AUH: variants seen among roughly 807,000 people sequenced by gnomAD.
AUH encodes AU RNA binding methylglutaconyl-CoA hydratase, also known as methylglutaconyl-CoA hydratase, mitochondrial.
A neutral mutation model predicts 42.3 loss-of-function variants in AUH; 29 were observed. That is an observed-to-expected ratio of 0.69 (90% CI 0.51 to 0.93). The LOEUF (loss-of-function observed/expected upper bound fraction) is 0.93. AUH is among the 40% of genes least tolerant of loss of function. The pLI is 0.00. For synonymous variants in AUH, 174 were observed against 166.4 expected (o/e 1.05, Z -0.35); for missense variants, 452 against 438.1 (o/e 1.03, Z -0.28).
chr9:91,337,684 C>A (rs1026222439), intron 3 of AUH, among the ~76,000 whole-genome samples: 8 of 152,132 alleles, frequency 5.3e-5, no homozygotes, highest in Admixed American at 2.6e-4. Flanking sequence ...TTCAGGCAAT[C>A]CTAACAGGCT....
At chr9:91,271,060 C>T (rs1305988601) in intron 6 of AUH, among the ~76,000 whole-genome samples, 2 of 152,148 alleles carry the variant, frequency 1.3e-5, no homozygotes, top group Non-Finnish European at 2.9e-5. Flanking sequence ...TTTCAAAACA[C>T]TTCTTTAAAA....
chr9:91,258,888 G>A (rs1438661221), intron 6 of AUH, among the ~76,000 whole-genome samples: 1 of 152,120 alleles, frequency 6.6e-6, no homozygotes, highest in East Asian at 1.9e-4. Flanking sequence ...GCTTGGTTAT[G>A]ATGTATTATC....
intron 7 of AUH, 122 bp downstream of exon 7, chr9:91,220,683 G>A (rs781195243): frequency 7.6e-5 from 74 of 970,344 alleles, no homozygotes; most frequent in Non-Finnish European, 1.0e-4. Context: ...CAGAGCCCAC[G>A]CATCCCTTTA....
At chr9:91,254,928 A>G (rs544812749) in intron 6 of AUH, among the ~76,000 whole-genome samples, 122 of 152,286 alleles carry the variant, frequency 8.0e-4, no homozygotes, top group African/African-American at 2.7e-3. Context: ...ACTAAGAGAC[A>G]ATGGAATAAT....
intron 6 of AUH, among the ~76,000 whole-genome samples, chr9:91,254,632 A>G (rs1028055814): frequency 6.6e-6 from 1 of 152,202 alleles, no homozygotes; most frequent in African/African-American, 2.4e-5. Flanking sequence ...AACATAAGAG[A>G]TGGGTAATCT....
intron 6 of AUH, among the ~76,000 whole-genome samples, chr9:91,275,402 C>T (rs373862122): frequency 6.6e-6 from 1 of 152,174 alleles, no homozygotes; most frequent in Non-Finnish European, 1.5e-5. Flanking sequence ...ATTAGGCATT[C>T]TTGGACCTGT....
intron 4 of AUH, among the ~76,000 whole-genome samples, chr9:91,319,417 C>A (rs1829401928): frequency 6.6e-6 from 1 of 152,170 alleles, no homozygotes; most frequent in Non-Finnish European, 1.5e-5. Context: ...AATACACACA[C>A]CAGGAATGTC....
chr9:91,302,333 T>G (rs1181797770), intron 4 of AUH, among the ~76,000 whole-genome samples: 3 of 152,096 alleles, frequency 2.0e-5, no homozygotes, highest in Non-Finnish European at 4.4e-5. Context: ...CTCACGCCTG[T>G]AATCCCAGCA....
chr9:91,333,364 G>A (rs956669991), intron 3 of AUH, among the ~76,000 whole-genome samples: 5 of 151,860 alleles, frequency 3.3e-5, no homozygotes, highest in Non-Finnish European at 7.4e-5. Flanking sequence ...AACAAAATGT[G>A]TATGCAAATT....
intron 6 of AUH, among the ~76,000 whole-genome samples, chr9:91,292,851 C>T (rs1450744732): frequency 6.6e-6 from 1 of 152,018 alleles, no homozygotes; most frequent in Non-Finnish European, 1.5e-5. Context: ...TACATTTTTA[C>T]AAATTAATGG....
chr9:91,257,345 C>T (rs761777979), intron 6 of AUH, among the ~76,000 whole-genome samples: 13 of 151,572 alleles, frequency 8.6e-5, no homozygotes, highest in African/African-American at 2.0e-4. Context: ...TGTAGTCAGA[C>T]CTCCTACCTC....
intron 6 of AUH, among the ~76,000 whole-genome samples, chr9:91,270,599 C>T (rs1370126799): frequency 1.3e-5 from 2 of 152,014 alleles, no homozygotes. Flanking sequence ...GTAGACACCC[C>T]TTGTAGAGCA....
In AUH at chr9:91,325,606, T is replaced by C. The variant is rs578066824; in HGVS notation, c.419-202A>G. Among the ~76,000 whole-genome samples, 10 of 152,330 alleles carry C rather than the reference T, an allele frequency of 6.6e-5. No individual in the cohort carries two copies. The South Asian group carries it at 2.1e-3, about 32-fold the overall frequency. ...TTTGTCTATTCATACGTCTACCATGTGCTTAAAGCGGTGCTTCTCCAGCTT... is the reference window on the plus strand; with the variant it reads ...TTTGTCTATTCATACGTCTACCATGCGCTTAAAGCGGTGCTTCTCCAGCTT... On this transcript the variant is annotated intron_variant, in intron 3 of 9. Coordinates refer to ENST00000375731, the MANE Select transcript of AUH (RefSeq NM_001698.3).
intron 1 of AUH, chr9:91,357,473 T>C (rs1303380869): frequency 1.0e-6 from 1 of 965,990 alleles, no homozygotes; most frequent in Non-Finnish European, 1.2e-6. Flanking sequence ...TCAAACATAC[T>C]GAGTACGTAC....
intron 4 of AUH, among the ~76,000 whole-genome samples, chr9:91,308,978 G>C (rs1382874740): frequency 6.6e-6 from 1 of 151,724 alleles, no homozygotes; most frequent in Non-Finnish European, 1.5e-5. Flanking sequence ...TTTTAGCAGC[G>C]ATGGGGTTTC....
intron 3 of AUH, among the ~76,000 whole-genome samples, chr9:91,330,171 T>C (rs899625016): frequency 2.6e-5 from 4 of 152,152 alleles, no homozygotes; most frequent in African/African-American, 9.7e-5. Flanking sequence ...TATTTCTATA[T>C]ACTAGCAAAA....
At chr9:91,288,467 T>C (rs998896509) in intron 6 of AUH, among the ~76,000 whole-genome samples, 3 of 152,108 alleles carry the variant, frequency 2.0e-5, no homozygotes, top group Non-Finnish European at 4.4e-5. Context: ...GGCTATATAT[T>C]GTACAAAAAT....
intron 2 of AUH, 32 bp from the exon 3 acceptor site, chr9:91,356,002 A>C: frequency 6.2e-7 from 1 of 1,602,828 alleles, no homozygotes; most frequent in Non-Finnish European, 8.5e-7. Flanking sequence ...AGGAGGAAAA[A>C]GAGAAAAAAA....
At chr9:91,231,509 C>T (rs541622444) in intron 6 of AUH, among the ~76,000 whole-genome samples, 82 of 152,320 alleles carry the variant, frequency 5.4e-4, no homozygotes, top group Non-Finnish European at 9.7e-4. Context: ...AGAAATCACC[C>T]GTCTTCTGCG....
Sources: gnomAD v4.1 joint callset for allele counts (sites outside exome capture counted in the v4.1 genomes callset) on GRCh38, gnomAD v4.1.1 for gene constraint, MANE v1.5 for transcripts, NCBI Gene and HGNC (gene_info 2026-07-23, HGNC 2026-07-21) for gene names.